The following ABI3BP variants were observed in gnomAD, a reference collection of about 807,000 sequenced individuals.
ABI3BP encodes the protein target of Nesh-SH3.
In ABI3BP, 216 loss-of-function variants were observed where a neutral mutation model predicts 268.6. The observed-to-expected ratio is 0.80, with a 90% confidence interval of 0.72 to 0.90. The LOEUF (loss-of-function observed/expected upper bound fraction) is 0.90, where lower values mean the gene tolerates loss of function less well. Ranked by LOEUF, ABI3BP falls within the 40% of genes least tolerant of loss-of-function variation. ABI3BP has a pLI of 0.00. For missense variants in ABI3BP, 2,090 were observed against 2,182.4 expected (o/e 0.96, Z 0.84); for synonymous variants, 730 against 730.0 (o/e 1.00, Z 0.00).
chr3:100,810,859 A>C (rs1409702102), intron 48 of ABI3BP, among the ~76,000 whole-genome samples: 1 of 152,162 alleles, frequency 6.6e-6, no homozygotes, highest in Non-Finnish European at 1.5e-5. Flanking sequence ...TGATGGGATA[A>C]GTGTTAATGG....
intron 45 of ABI3BP, among the ~76,000 whole-genome samples, chr3:100,813,069 T>C (rs757242027): frequency 1.8e-4 from 27 of 152,044 alleles, no homozygotes; most frequent in Non-Finnish European, 2.9e-4. Flanking sequence ...TTTGTAGAGT[T>C]GGGGTTTTGC....
chr3:100,928,197 C>A (rs182048324), intron 1 of ABI3BP, among the ~76,000 whole-genome samples: 88 of 152,068 alleles, frequency 5.8e-4, no homozygotes, highest in Admixed American at 1.5e-3. Context: ...ACATGTCTGG[C>A]CCCAGGGGTT....
chr3:100,941,328 G>T (rs2153712970), intron 1 of ABI3BP, among the ~76,000 whole-genome samples: 1 of 152,086 alleles, frequency 6.6e-6, no homozygotes. Flanking sequence ...CAGTTCACCT[G>T]GAGCACTCCC....
At chr3:100,885,176 A>G (rs1431796305) in intron 6 of ABI3BP, among the ~76,000 whole-genome samples, 1 of 152,098 alleles carries the variant, frequency 6.6e-6, no homozygotes, top group Non-Finnish European at 1.5e-5. Flanking sequence ...AATAGAAAGG[A>G]AAGGTTTGAG....
At chr3:100,945,410 A>G (rs534760939) in intron 1 of ABI3BP, among the ~76,000 whole-genome samples, 28 of 152,236 alleles carry the variant, frequency 1.8e-4, no homozygotes, top group African/African-American at 6.0e-4. Context: ...GAAGTTGCTA[A>G]ATTTATGTAA....
intron 43 of ABI3BP, chr3:100,816,473 G>C: frequency 1.6e-6 from 1 of 627,766 alleles, no homozygotes; most frequent in South Asian, 1.8e-5. Context: ...TCCAAACCAA[G>C]TCATTTAGGA....
intron 63 of ABI3BP, among the ~76,000 whole-genome samples, chr3:100,755,028 T>C (rs2095541481): frequency 6.6e-6 from 1 of 152,072 alleles, no homozygotes; most frequent in South Asian, 2.1e-4. Context: ...AAGGAGCCTG[T>C]TTCTTTAAGA....
At chr3:100,863,084 T>A in intron 12 of ABI3BP, 175 bp from the exon 13 acceptor site, 1 of 566,724 alleles carries the variant, frequency 1.8e-6, no homozygotes, top group Non-Finnish European at 3.1e-6. Flanking sequence ...AAAGTTTCTT[T>A]TTCAGTTTTT....
chr3:100,765,421 G>A (rs1033264142), intron 63 of ABI3BP, among the ~76,000 whole-genome samples: 2 of 152,120 alleles, frequency 1.3e-5, no homozygotes, highest in African/African-American at 2.4e-5. Context: ...AAGTATTAAC[G>A]CTTAAAAACT....
intron 1 of ABI3BP, 142 bp downstream of exon 1, chr3:100,993,164 C>T: frequency 1.8e-6 from 1 of 552,520 alleles, no homozygotes; most frequent in Admixed American, 3.4e-5. Flanking sequence ...TTTAAGAGAC[C>T]CCTTCACACA....
At chr3:100,813,564 CT>C in intron 45 of ABI3BP, 96 bp downstream of exon 45, 2 of 987,246 alleles carry the variant, frequency 2.0e-6, no homozygotes, top group Non-Finnish European at 3.0e-6. Context: ...ATGTATATTC[CT>C]TTTTCATTTT....
rs770109610 is a variant in ABI3BP at position 100,778,334 on chromosome 3, C to T, written c.4283G>A (p.Arg1428Gln). The T allele has an allele frequency of 2.8e-5, 45 of 1,613,344 alleles. No homozygotes were observed. The highest frequency in any genetic ancestry group is 1.2e-4 in the Admixed American group (7 of 59,932). ...ATTATTTGGTGGTAAAGGTTTTCTT[C>T]GTGGGTGTGTAGGTCTGGGTGGCAA... Reference protein sequence around the residue: ...PPLPPRPTHPRRKPLPPNNVT... With the variant: ...PPLPPRPTHPQRKPLPPNNVT... Residue 1428 changes from arginine to glutamine, a missense_variant, in exon 59 of 68, where the codon CGA (arginine) becomes CAA (glutamine). Coordinates refer to ENST00000471714, the MANE Select transcript of ABI3BP (RefSeq NM_001375547.2).
At chr3:100,908,596 G>T (rs544799653) in intron 2 of ABI3BP, among the ~76,000 whole-genome samples, 2 of 149,126 alleles carry the variant, frequency 1.3e-5, no homozygotes, top group South Asian at 2.1e-4. Context: ...AATCACAAGC[G>T]TTCTTATACA....
intron 50 of ABI3BP, 143 bp downstream of exon 50, chr3:100,808,018 A>T: frequency 2.8e-6 from 2 of 713,186 alleles, no homozygotes; most frequent in Non-Finnish European, 4.7e-6. Flanking sequence ...AAAGAAATTT[A>T]AATATTTATT....
chr3:100,848,902 A>G, intron 17 of ABI3BP, 27 bp from the exon 18 acceptor site: 4 of 1,598,318 alleles, frequency 2.5e-6, no homozygotes, highest in Non-Finnish European at 3.4e-6. Flanking sequence ...TATAGCTTTG[A>G]TAAATGATAT....
Position 100,749,688 on chromosome 3 carries a change from TCA to T in ABI3BP, c.*805_*806del. The T allele has an allele frequency of 5.0e-6, 2 of 398,626 alleles. No homozygotes were observed. The highest frequency in any genetic ancestry group is 8.9e-6 in the Non-Finnish European group (2 of 225,830). 24.7% of individuals were successfully genotyped at this position (398,626 alleles called of 1,614,324 possible). A position where few individuals can be genotyped will look rare whatever the true frequency, so the allele number is the denominator to read the frequency against. The stretch of plus-strand genomic sequence containing the variant: ...TATCTTTTTGTGCTCAGACTTGACT[TCA>T]CATTCAGTCTCTACATACAGCTTGA... On this transcript the variant is annotated 3_prime_UTR_variant, in exon 68 of 68. Coordinates refer to ENST00000471714, the MANE Select transcript of ABI3BP (RefSeq NM_001375547.2).
intron 1 of ABI3BP, among the ~76,000 whole-genome samples, chr3:100,958,961 C>G: frequency 6.6e-6 from 1 of 152,184 alleles, no homozygotes; most frequent in African/African-American, 2.4e-5. Context: ...TTCTCAAAAC[C>G]ACCCAGATCC....
intron 24 of ABI3BP, 51 bp from the exon 25 acceptor site, chr3:100,838,515 C>A: frequency 7.2e-7 from 1 of 1,387,086 alleles, no homozygotes; most frequent in Non-Finnish European, 9.9e-7. Context: ...CTGTGACTGT[C>A]AAAATTAAGG....
intron 19 of ABI3BP, among the ~76,000 whole-genome samples, 187 bp downstream of exon 19, chr3:100,847,415 A>T (rs1450116366): frequency 1.3e-5 from 2 of 152,170 alleles, no homozygotes; most frequent in East Asian, 3.8e-4. Flanking sequence ...AGATCTACTA[A>T]CTGTTGGGCC....
Sources: gnomAD v4.1 joint callset for allele counts (sites outside exome capture counted in the v4.1 genomes callset) on GRCh38, gnomAD v4.1.1 for gene constraint, MANE v1.5 for transcripts, NCBI Gene and HGNC (gene_info 2026-07-23, HGNC 2026-07-21) for gene names.